Variants in ZNF726 observed in about 807,000 individuals in gnomAD.
The protein encoded by ZNF726 is zinc finger protein 92 pseudogene 3.
In ZNF726, 15 loss-of-function variants were observed where a neutral mutation model predicts 11.6. The ratio of observed to expected loss-of-function variants is 1.29; its 90% CI spans 0.86 to 1.99. The LOEUF (loss-of-function observed/expected upper bound fraction) is 1.99. Among genes scored for constraint, ZNF726 ranks in the 30% most tolerant of loss-of-function variants. The pLI is 0.00. For synonymous variants in ZNF726, 295 were observed against 243.6 expected, an observed-to-expected ratio of 1.21 and a Z score of -1.96; for missense variants, 890 against 725.6, an observed-to-expected ratio of 1.23 and a Z score of -2.60.
rs763009596 is a variant in ZNF726, at chr19:23,933,532, G to C, written c.1416G>C (p.Lys472Asn). ...FSRSSALTTHKRMHTGEKPYK... is the reference protein window; with the variant it reads ...FSRSSALTTHNRMHTGEKPYK... Reference sequence around the variant, plus strand: ...GATCCTCAGCCCTAACTACACATAAGAGGATGCACACTGGAGAGAAACCCT... The same window carrying C: ...GATCCTCAGCCCTAACTACACATAACAGGATGCACACTGGAGAGAAACCCT... The change falls in exon 4 of 4, where the codon AAG becomes AAC. Residue 472 changes from lysine to asparagine, a missense_variant. Transcript: ENST00000594466. 7.4e-6 allele frequency: 12 copies of C among 1,612,850 alleles called. No homozygotes were observed. Among genetic ancestry groups the C allele is most frequent in the Non-Finnish European group, 1.0e-5 (12 of 1,179,992 alleles).
At chr19:23,943,652 A>G in intron 4 of ZNF726, 1 of 508,708 alleles carries the variant, frequency 2.0e-6, no homozygotes, top group Non-Finnish European at 3.6e-6. Context: ...AAAGAATGCC[A>G]GACTTTAAAA....
chr19:23,937,891 A>T (rs868288447), downstream of ZNF726, among the ~76,000 whole-genome samples: 1 of 152,234 alleles, frequency 6.6e-6, no homozygotes, highest in South Asian at 2.1e-4. Flanking sequence ...GTTAACATTA[A>T]GTTAGTAGTA....
At position 23,914,892 on chromosome 19, in the gene ZNF726, A is replaced by G. The variant is rs920467784; in HGVS notation, c.-103A>G. ...GGGATTTGGCGGGGCCTTTGTCTCTATCTGCGGCCGGAGCTCCAGGTCTCG... is the reference window on the plus strand; with the variant it reads ...GGGATTTGGCGGGGCCTTTGTCTCTGTCTGCGGCCGGAGCTCCAGGTCTCG... On this transcript the variant is annotated 5_prime_UTR_variant, in exon 1 of 4. Coordinates refer to ENST00000594466, the MANE Select transcript of ZNF726 (RefSeq NM_001244038.2). 9 of 1,544,078 alleles carry G rather than the reference A, an allele frequency of 5.8e-6. No homozygotes were observed. The highest frequency in any genetic ancestry group is 5.5e-5 in the Admixed American group (3 of 54,466).
At chr19:23,937,139 T>C (rs1968250572), downstream of ZNF726, among the ~76,000 whole-genome samples, 1 of 137,340 alleles carries the variant, frequency 7.3e-6, no homozygotes, top group Non-Finnish European at 1.6e-5. Flanking sequence ...GCGGGGGGGC[T>C]GACCCCCCCA....
chr19:23,918,279 T>C (rs1967753740), intron 1 of ZNF726, among the ~76,000 whole-genome samples: 1 of 152,160 alleles, frequency 6.6e-6, no homozygotes, highest in Non-Finnish European at 1.5e-5. Flanking sequence ...AGCTAAACTT[T>C]TGAAGAATAA....
downstream of ZNF726, among the ~76,000 whole-genome samples, chr19:23,936,379 T>G (rs568982926): frequency 1.3e-5 from 2 of 152,142 alleles, no homozygotes; most frequent in Non-Finnish European, 2.9e-5. Context: ...ATAATTACAA[T>G]CAAAGTATAA....
chr19:23,926,374 G>A (rs562893787), intron 3 of ZNF726, among the ~76,000 whole-genome samples: 1 of 152,086 alleles, frequency 6.6e-6, no homozygotes, highest in South Asian at 2.1e-4. Context: ...CCAACGTGGT[G>A]AAACCCCGTC....
chr19:23,927,761 C>CATTCTT (rs1480330479), intron 3 of ZNF726: 1 of 152,206 alleles, frequency 6.6e-6, no homozygotes, highest in African/African-American at 2.4e-5. Flanking sequence ...GGATTATAGG[C>CATTCTT]ATGAGCTACA....
chr19:23,938,599 CTTTTTTTTTTCCT>C (rs1440522612), downstream of ZNF726, among the ~76,000 whole-genome samples: 5 of 137,160 alleles, frequency 3.6e-5, no homozygotes, highest in South Asian at 1.2e-3. Context: ...GTTTTTTTTT[CTTTTTTTTTTCCT>C]TTTTTTTTTT....
chr19:23,927,111 G>C (rs1968005988), intron 3 of ZNF726, among the ~76,000 whole-genome samples: 1 of 151,970 alleles, frequency 6.6e-6, no homozygotes, highest in Non-Finnish European at 1.5e-5. Context: ...CAGAGTAGCT[G>C]GGATTACATG....
downstream of ZNF726, among the ~76,000 whole-genome samples, chr19:23,937,458 A>C (rs970740679): frequency 6.7e-6 from 1 of 149,710 alleles, no homozygotes; most frequent in African/African-American, 2.5e-5. Context: ...GGGGCTCCTC[A>C]CTTCTCAGAC....
In ZNF726 at chr19:23,933,322, T is replaced by C. The variant is rs552773600; in HGVS notation, c.1206T>C (p.Cys402=). The change falls in exon 4 of 4, where the codon TGT becomes TGC. Residue 402 remains cysteine (C), a synonymous_variant. Coordinates refer to ENST00000594466, the MANE Select transcript of ZNF726 (RefSeq NM_001244038.2). ...TGEKPYKCEE[C]GKAFHRSSNL... is the part of the protein sequence containing the mutation. ...AGAAACCCTACAAATGTGAAGAATG[T>C]GGCAAAGCTTTTCATCGATCCTCAA... The C allele has an allele frequency of 5.0e-6, 8 of 1,613,286 alleles. No homozygotes were observed. The African/African-American group carries it at 1.1e-4, about 22-fold the overall frequency.
chr19:23,936,376 C>T (rs757458237), downstream of ZNF726, among the ~76,000 whole-genome samples: 7 of 152,018 alleles, frequency 4.6e-5, no homozygotes, highest in Non-Finnish European at 1.0e-4. Context: ...GTTATAATTA[C>T]AATCAAAGTA....
In ZNF726 at chr19:23,934,328, T is replaced by G; in HGVS notation, c.*361T>G. The G allele has an allele frequency of 1.7e-6, 1 of 581,716 alleles. No homozygotes were observed. Among genetic ancestry groups the G allele is most frequent in the Non-Finnish European group, 3.4e-6 (1 of 295,076 alleles). The allele number at this position is 581,716 out of a possible 1,614,324, so 36.0% of individuals were successfully genotyped here. A position where few individuals can be genotyped will look rare whatever the true frequency, so the allele number is the denominator to read the frequency against. On this transcript the variant is annotated 3_prime_UTR_variant, in exon 4 of 4. Coordinates refer to ENST00000594466, the MANE Select transcript of ZNF726 (RefSeq NM_001244038.2). ...CAAATGTGAGGAATGTGGCAAAGCC[T>G]TTAAATGTTCCTCAACTGTTACTGA...
intron 3 of ZNF726, among the ~76,000 whole-genome samples, chr19:23,929,915 G>A (rs575996542): frequency 2.8e-4 from 42 of 151,978 alleles, no homozygotes; most frequent in African/African-American, 1.0e-3. Flanking sequence ...TTTATATATG[G>A]TTTTATGATG....
In ZNF726 at chr19:23,932,821, CA is replaced by C. The variant is rs777406389; in HGVS notation, c.708del (p.Ala237LeufsTer13). The C allele has an allele frequency of 6.2e-6, 10 of 1,608,030 alleles. No homozygotes were observed. The highest frequency in any genetic ancestry group is 8.5e-6 in the Non-Finnish European group (10 of 1,177,312). On this transcript the variant is annotated frameshift_variant, in exon 4 of 4. Transcript: ENST00000594466. LOFTEE classifies it low-confidence loss of function (END_TRUNC). ...EKPYKCEEYG[K>X]AFNQSSNYTT... is the part of the protein sequence containing the mutation. ...AGCCCTACAAATGTGAAGAATATGG[CA>C]AAGCTTTTAATCAATCCTCAAATTA... is the stretch of plus-strand genomic sequence containing the variant.
chr19:23,924,522 C>T (rs1337649143), intron 3 of ZNF726, among the ~76,000 whole-genome samples: 3 of 151,898 alleles, frequency 2.0e-5, no homozygotes, highest in Non-Finnish European at 4.4e-5. Flanking sequence ...TGTATTGTCT[C>T]CAGTTTTTTA....
intron 3 of ZNF726, among the ~76,000 whole-genome samples, chr19:23,940,835 T>C (rs1968327060): frequency 6.6e-6 from 1 of 152,216 alleles, no homozygotes; most frequent in African/African-American, 2.4e-5. Context: ...TATACGTTAA[T>C]CTTGTATCCA....
At chr19:23,935,232 T>C (rs574180052), downstream of ZNF726, 1 of 453,638 alleles carries the variant, frequency 2.2e-6, no homozygotes, top group African/African-American at 2.0e-5. Context: ...ATGTGGGAAA[T>C]CTTTTAACCT....
Sources: allele counts gnomAD v4.1 joint callset (sites outside exome capture counted in the v4.1 genomes callset), GRCh38; gene constraint gnomAD v4.1.1; transcripts MANE v1.5; gene names NCBI Gene and HGNC (gene_info 2026-07-23, HGNC 2026-07-21).